Variants in VWA3B observed in about 807,000 individuals in gnomAD.
The protein encoded by VWA3B is von Willebrand factor A domain containing 3B.
VWA3B carries 138 observed loss-of-function variants against 158.3 expected under a neutral mutation model. The ratio of observed to expected loss-of-function variants is 0.87; its 90% CI spans 0.76 to 1.00. The LOEUF is 1.00. Ranked by LOEUF, VWA3B falls within the 50% of genes least tolerant of loss-of-function variation. The probability of loss-of-function intolerance (pLI) is 0.00; values close to 1 mark genes in which losing one functional copy is unlikely to be tolerated. For synonymous variants in VWA3B, 596 were observed against 587.3 expected, an observed-to-expected ratio of 1.01 and a Z score of -0.21; for missense variants, 1,555 against 1,565.1, an observed-to-expected ratio of 0.99 and a Z score of 0.11.
At chr2:98,124,833 G>C (rs2104990246) in intron 5 of VWA3B, among the ~76,000 whole-genome samples, 1 of 152,298 alleles carries the variant, frequency 6.6e-6, no homozygotes, top group African/African-American at 2.4e-5. Context: ...GCTGCAGCTA[G>C]GAAGATGTCA....
In VWA3B at chr2:98,194,309, C is replaced by A. The variant is rs6721097; in HGVS notation, c.1606-52C>A. On this transcript the variant is annotated intron_variant, in intron 11 of 27. Transcript: ENST00000477737. Reference sequence around the variant, plus strand: ...ATATCAAACTGTGGCCTACCCAAACCCTTTCTAACATCTGAGTGGTTTTAT... The same window carrying A: ...ATATCAAACTGTGGCCTACCCAAACACTTTCTAACATCTGAGTGGTTTTAT... 9,318 of 1,586,128 alleles carry A rather than the reference C, an allele frequency of 5.9e-3. 462 individuals are homozygous for A. The African/African-American group carries it at 0.11, about 19-fold the overall frequency.
At chr2:98,208,675 C>T (rs1359499687) in intron 12 of VWA3B, among the ~76,000 whole-genome samples, 2 of 152,188 alleles carry the variant, frequency 1.3e-5, no homozygotes, top group African/African-American at 4.8e-5. Context: ...TCCCTTTACA[C>T]TCACCATTTA....
intron 2 of VWA3B, among the ~76,000 whole-genome samples, chr2:98,114,059 GATTGCTGTCTA>G (rs1674341494): frequency 6.6e-6 from 1 of 152,156 alleles, no homozygotes; most frequent in African/African-American, 2.4e-5. Flanking sequence ...GCATGTTCTA[GATTGCTGTCTA>G]ATGCCTACAA....
intron 4 of VWA3B, among the ~76,000 whole-genome samples, chr2:98,119,983 A>G (rs980198921): frequency 6.6e-6 from 1 of 152,238 alleles, no homozygotes; most frequent in Non-Finnish European, 1.5e-5. Flanking sequence ...TCACATTAAA[A>G]GAGATTTAGA....
chr2:98,284,325 C>T (rs1268334050), intron 22 of VWA3B, among the ~76,000 whole-genome samples: 1 of 152,110 alleles, frequency 6.6e-6, no homozygotes, highest in East Asian at 1.9e-4. Context: ...TTTTAATGAA[C>T]CTAAAAAGCA....
intron 7 of VWA3B, among the ~76,000 whole-genome samples, chr2:98,155,543 T>C (rs564180451): frequency 1.3e-5 from 2 of 152,318 alleles, no homozygotes; most frequent in South Asian, 2.1e-4. Context: ...GATGATGATC[T>C]GGACTCAGGC....
At chr2:98,183,655 A>G (rs957941455) in intron 9 of VWA3B, among the ~76,000 whole-genome samples, 3 of 152,164 alleles carry the variant, frequency 2.0e-5, no homozygotes, top group African/African-American at 7.2e-5. Flanking sequence ...CTCTTTGTCT[A>G]TTTTTCAAAC....
intron 8 of VWA3B, among the ~76,000 whole-genome samples, chr2:98,166,398 G>A (rs1188218874): frequency 6.6e-6 from 1 of 152,122 alleles, no homozygotes; most frequent in African/African-American, 2.4e-5. Flanking sequence ...CATAAAAGGA[G>A]GGCCCTAATC....
chr2:98,317,153 A>T (rs1237679183), downstream of VWA3B, among the ~76,000 whole-genome samples: 2 of 152,222 alleles, frequency 1.3e-5, no homozygotes, highest in Non-Finnish European at 2.9e-5. Context: ...CTCTTGAAAG[A>T]TACAAAAGTA....
chr2:98,329,522 C>A, the VWA3B span, among the ~76,000 whole-genome samples: 1 of 151,728 alleles, frequency 6.6e-6, no homozygotes, highest in East Asian at 1.9e-4. Flanking sequence ...TTTTAATGGG[C>A]AAGATCTTAA....
At chr2:98,099,775 T>C (rs1467114697) in intron 2 of VWA3B, among the ~76,000 whole-genome samples, 1 of 152,040 alleles carries the variant, frequency 6.6e-6, no homozygotes, top group Non-Finnish European at 1.5e-5. Flanking sequence ...TTTTTTCTGC[T>C]CTGTATATTT....
Position 98,236,746 on chromosome 2 carries a change from A to C in VWA3B, c.2673+16A>C, listed in dbSNP as rs368848888. 1 of 1,596,088 alleles carries C rather than the reference A, an allele frequency of 6.3e-7. No individual in the cohort carries two copies. ...CTTTGATGAGGTAAACTGATTGTCT[A>C]TACGTCCCTACTTGAGGCCATTTTC... is the stretch of plus-strand genomic sequence containing the variant. On this transcript the variant is annotated intron_variant, in intron 19 of 27. Transcript: ENST00000477737.
chr2:98,092,419 C>T lies in VWA3B; in HGVS notation c.-32-642C>T, dbSNP rs1038229139. 3.9e-5 allele frequency among the ~76,000 whole-genome samples: 6 copies of T among 152,242 alleles called. No individual in the cohort carries two copies. The South Asian group carries it at 8.3e-4, about 21-fold the overall frequency. On this transcript the variant is annotated intron_variant, in intron 1 of 27. Transcript: ENST00000477737. ...CAACACTTTGGGAGGCCAAGGCGGG[C>T]GGATCACGAGGTCAGCAGTTCGAGA...
rs781342155 is a variant in VWA3B, at chr2:98,093,304, A to C, written c.196+16A>C. On this transcript the variant is annotated intron_variant, in intron 2 of 27. Coordinates refer to ENST00000477737, the MANE Select transcript of VWA3B (RefSeq NM_144992.5). ...CATTGTGAAGGTACAGTACTCACAA[A>C]CAACCAGCATGCTGCCATTTAGCCT... The C allele has an allele frequency of 6.2e-7, 1 of 1,610,624 alleles. No individual in the cohort carries two copies. The highest frequency in any genetic ancestry group is 8.5e-7 in the Non-Finnish European group (1 of 1,177,120).
intron 1 of VWA3B, among the ~76,000 whole-genome samples, chr2:98,089,846 T>TA (rs1682151072): frequency 6.6e-6 from 1 of 151,926 alleles, no homozygotes; most frequent in African/African-American, 2.4e-5. Flanking sequence ...TTTTTAAAAG[T>TA]CATATGAGTG....
At chr2:98,090,997 C>G (rs528319460) in intron 1 of VWA3B, among the ~76,000 whole-genome samples, 1 of 152,002 alleles carries the variant, frequency 6.6e-6, no homozygotes, top group African/African-American at 2.4e-5. Context: ...TGGGCTCAAG[C>G]GATCTTCTCA....
At chr2:98,149,604 A>C (rs1373614372) in intron 7 of VWA3B, among the ~76,000 whole-genome samples, 1 of 152,224 alleles carries the variant, frequency 6.6e-6, no homozygotes, top group African/African-American at 2.4e-5. Context: ...GCAACCAGTC[A>C]GAAGTACTTT....
At chr2:98,109,371 C>A (rs1673953197) in intron 2 of VWA3B, among the ~76,000 whole-genome samples, 1 of 152,144 alleles carries the variant, frequency 6.6e-6, no homozygotes, top group South Asian at 2.1e-4. Flanking sequence ...CATACATTAT[C>A]AAAATCTACT....
In VWA3B at chr2:98,234,417, C is replaced by T. The variant is rs539916424; in HGVS notation, c.2309-231C>T. ...ATTGCAAGGAGCTGGGTTCTGCCAG[C>T]AGCCTGAATGAGTGTGGAAGCTGAC... On this transcript the variant is annotated intron_variant, in intron 16 of 27. Coordinates refer to ENST00000477737, the MANE Select transcript of VWA3B (RefSeq NM_144992.5). Among the ~76,000 whole-genome samples, 3 of 152,330 alleles carry T rather than the reference C, an allele frequency of 2.0e-5. No individual in the cohort carries two copies. In the East Asian group the frequency reaches 5.8e-4, roughly 29 times the overall value.
Sources: allele counts gnomAD v4.1 joint callset (sites outside exome capture counted in the v4.1 genomes callset), GRCh38; gene constraint gnomAD v4.1.1; transcripts MANE v1.5; gene names NCBI Gene and HGNC (gene_info 2026-07-23, HGNC 2026-07-21).